Variants in KLRF1 observed in about 807,000 individuals in gnomAD.
The protein encoded by KLRF1 is killer cell lectin-like receptor subfamily F member 1.
A neutral mutation model predicts 30.7 loss-of-function variants in KLRF1; 27 were observed. The observed-to-expected ratio is 0.88, with a 90% CI of 0.65 to 1.21. The LOEUF (loss-of-function observed/expected upper bound fraction) is 1.21, where lower values mean the gene tolerates loss of function less well. KLRF1 is among the 50% of genes most tolerant of loss of function. The pLI is 0.00. For synonymous variants in KLRF1, 92 were observed against 89.3 expected (o/e 1.03, Z -0.17); for missense variants, 246 against 259.3 (o/e 0.95, Z 0.35).
intron 3 of KLRF1, among the ~76,000 whole-genome samples, chr12:9,839,322 CA>C (rs1867653696): frequency 6.6e-6 from 1 of 151,980 alleles, no homozygotes; most frequent in Non-Finnish European, 1.5e-5. Flanking sequence ...CCCAAATGCC[CA>C]CCTCCTAATA....
the KLRF1 span, among the ~76,000 whole-genome samples, chr12:9,812,229 G>A: frequency 3.3e-5 from 5 of 152,088 alleles, no homozygotes; most frequent in Non-Finnish European, 5.9e-5. Flanking sequence ...GCCAGACGTG[G>A]TGGCGGGCGC....
At chr12:9,838,850 A>C (rs1867642964) in intron 3 of KLRF1, among the ~76,000 whole-genome samples, 1 of 152,090 alleles carries the variant, frequency 6.6e-6, no homozygotes, top group Non-Finnish European at 1.5e-5. Flanking sequence ...TTGGGTACAG[A>C]CTTAGCTAAC....
In KLRF1 at chr12:9,840,436, A is replaced by G. The variant is rs891461774; in HGVS notation, c.335-1376A>G. Among the ~76,000 whole-genome samples the G allele has an allele frequency of 3.2e-4, 49 of 152,254 alleles. 1 individual carries two copies. Among genetic ancestry groups the G allele is most frequent in the Middle Eastern group, 3.4e-3 (1 of 294 alleles). ...TTAAAATAGTTATATTGGCCTTTACATATATTTTTATATATATCTCACTTT... is the reference window on the plus strand; with the variant it reads ...TTAAAATAGTTATATTGGCCTTTACGTATATTTTTATATATATCTCACTTT... On this transcript the variant is annotated intron_variant, in intron 3 of 5. Transcript: ENST00000617889.
the KLRF1 span, among the ~76,000 whole-genome samples, chr12:9,811,316 G>A: frequency 2.7e-3 from 2 of 746 alleles, no homozygotes; most frequent in African/African-American, 4.9e-3. Context: ...CATAGAAGTA[G>A]TCCAAAAAAA....
At chr12:9,843,375 G>T (rs1456234464) in intron 5 of KLRF1, among the ~76,000 whole-genome samples, 1 of 152,142 alleles carries the variant, frequency 6.6e-6, no homozygotes, top group Non-Finnish European at 1.5e-5. Flanking sequence ...CACTACATTT[G>T]TGATAATTTG....
Position 9,833,312 on chromosome 12 carries a change from G to A in KLRF1, c.194G>A (p.Gly65Glu), listed in dbSNP as rs1242876951. Reference protein sequence around the residue: ...LISLILLVSQGVLLKCQKGSC... With the variant: ...LISLILLVSQEVLLKCQKGSC... ...TAGTCCTGTATTCAAGTTTCTCAGG[G>A]AGTATTGCTAAAATGCCAAAAAGGA... Residue 65 changes from glycine to glutamate, a missense_variant, in exon 3 of 6, where the codon GGA (glycine) becomes GAA (glutamate). By Grantham distance (98) the Gly-to-Glu change is moderately conservative. Coordinates refer to ENST00000617889, the MANE Select transcript of KLRF1 (RefSeq NM_016523.3). The A allele has an allele frequency of 1.3e-6, 2 of 1,596,640 alleles. No homozygotes were observed. The highest frequency in any genetic ancestry group is 8.5e-7 in the Non-Finnish European group (1 of 1,172,624).
At chr12:9,816,184 A>G in the KLRF1 span, among the ~76,000 whole-genome samples, 2 of 152,232 alleles carry the variant, frequency 1.3e-5, no homozygotes, top group African/African-American at 4.8e-5. Flanking sequence ...AGGAAGTCTC[A>G]TCTTCCTGTT....
the KLRF1 span, among the ~76,000 whole-genome samples, chr12:9,806,325 A>G: frequency 1.3e-5 from 2 of 152,002 alleles, no homozygotes; most frequent in Admixed American, 1.3e-4. Flanking sequence ...TAAGTTCCAC[A>G]TATTTGTAAA....
In KLRF1 at chr12:9,842,159, G is replaced by A. The variant is rs996375299; in HGVS notation, c.475-162G>A. The A allele has an allele frequency of 9.8e-6, 8 of 814,124 alleles. No homozygotes were observed. In the African/African-American group the frequency reaches 1.4e-4, roughly 14 times the overall value. The allele number at this position is 814,124 out of a possible 1,614,324, so 50.4% of individuals were successfully genotyped here. A position where few individuals can be genotyped will look rare whatever the true frequency, so the allele number is the denominator to read the frequency against. ...ATTCAACTTGCAATTGTGTGTGTGTGTGTGTAACATATATATGATATAATG... is the reference window on the plus strand; with the variant it reads ...ATTCAACTTGCAATTGTGTGTGTGTATGTGTAACATATATATGATATAATG... On this transcript the variant is annotated intron_variant, in intron 4 of 5. Transcript: ENST00000617889.
chr12:9,825,260 T>TA (rs35934573), upstream of KLRF1, among the ~76,000 whole-genome samples: 123,450 of 138,108 alleles, frequency 0.89, 56,315 homozygotes, highest in Non-Finnish European at 0.98. Context: ...AAGGTACTGG[T>TA]AAAAAAAAAA....
chr12:9,829,066 T>C (rs750575090), intron 1 of KLRF1, among the ~76,000 whole-genome samples: 1 of 152,342 alleles, frequency 6.6e-6, no homozygotes, highest in East Asian at 1.9e-4. Context: ...ATGATGTTCA[T>C]TCATTTAACT....
the KLRF1 span, chr12:9,817,704 G>T: frequency 4.5e-6 from 1 of 222,882 alleles, no homozygotes; most frequent in Non-Finnish European, 9.7e-6. Flanking sequence ...TATATTTTTG[G>T]TCTTTGCCTG....
chr12:9,830,779 TAC>T (rs1010756077), intron 1 of KLRF1, among the ~76,000 whole-genome samples: 1 of 151,984 alleles, frequency 6.6e-6, no homozygotes, highest in African/African-American at 2.4e-5. Context: ...ACCATTTTTG[TAC>T]AGACATTCAT....
the KLRF1 span, among the ~76,000 whole-genome samples, chr12:9,806,747 T>A: frequency 6.6e-6 from 1 of 152,114 alleles, no homozygotes; most frequent in Non-Finnish European, 1.5e-5. Context: ...AGTGGTGTAA[T>A]CACGGCTCAT....
At chr12:9,843,432 GGT>G (rs1867746926) in intron 5 of KLRF1, among the ~76,000 whole-genome samples, 1 of 152,014 alleles carries the variant, frequency 6.6e-6, no homozygotes, top group Non-Finnish European at 1.5e-5. Context: ...CCAACTTAAT[GGT>G]GTTATTGTAT....
Position 9,844,481 on chromosome 12 carries a change from C to A in KLRF1, c.651C>A (p.Phe217Leu), listed in dbSNP as rs1173260517. ...SCAAIKESKIFSETCSSVFKW... is the reference protein window; with the variant it reads ...SCAAIKESKILSETCSSVFKW... ...CTGCCATTAAGGAAAGCAAAATTTT[C>A]TCTGAAACCTGCAGCAGTGTTTTCA... Residue 217 changes from phenylalanine to leucine, a missense_variant, in exon 6 of 6, where the codon TTC becomes TTA. Physicochemically the swap from Phe to Leu is conservative, Grantham distance 22. Transcript: ENST00000617889. 1.9e-6 allele frequency: 3 copies of A among 1,610,400 alleles called. No homozygotes were observed. The highest frequency in any genetic ancestry group is 1.7e-6 in the Non-Finnish European group (2 of 1,177,362).
At chr12:9,822,487 C>A (rs1867237262), upstream of KLRF1, among the ~76,000 whole-genome samples, 1 of 152,114 alleles carries the variant, frequency 6.6e-6, no homozygotes, top group Non-Finnish European at 1.5e-5. Flanking sequence ...GGAACAAAAT[C>A]TTTGAGAAAT....
chr12:9,842,626 G>T (rs1867730130), intron 5 of KLRF1, among the ~76,000 whole-genome samples, 193 bp downstream of exon 5: 1 of 151,980 alleles, frequency 6.6e-6, no homozygotes, highest in South Asian at 2.1e-4. Context: ...TGAAAATGGT[G>T]GTTTATGATT....
chr12:9,802,289 C>G, the KLRF1 span, among the ~76,000 whole-genome samples: 3 of 152,084 alleles, frequency 2.0e-5, no homozygotes, highest in East Asian at 5.8e-4. Context: ...ATTCAACATC[C>G]CTTCATGTTA....
Sources: gnomAD v4.1 joint callset for allele counts (sites outside exome capture counted in the v4.1 genomes callset) on GRCh38, gnomAD v4.1.1 for gene constraint, MANE v1.5 for transcripts, NCBI Gene and HGNC (gene_info 2026-07-23, HGNC 2026-07-21) for gene names.